The following RPRD2 variants were observed in gnomAD, a reference collection of about 807,000 sequenced individuals.
RPRD2 encodes the protein regulation of nuclear pre-mRNA domain containing 2, also known as regulation of nuclear pre-mRNA domain-containing protein 2.
A neutral mutation model predicts 104.4 loss-of-function variants in RPRD2; 12 were observed. The observed-to-expected ratio is 0.11, with a 90% CI of 0.07 to 0.19. The LOEUF is 0.19. Among genes scored for constraint, RPRD2 ranks in the 10% least tolerant of loss-of-function variants. The pLI is 1.00. For missense variants in RPRD2, 1,543 were observed against 1,790.1 expected (o/e 0.86, Z 2.49); for synonymous variants, 714 against 684.9 (o/e 1.04, Z -0.66).
intron 2 of RPRD2, among the ~76,000 whole-genome samples, chr1:150,438,060 G>C (rs981359873): frequency 6.7e-6 from 1 of 149,846 alleles, no homozygotes; most frequent in Non-Finnish European, 1.5e-5. Context: ...GAGGCAGGCA[G>C]ATCATGAGGT....
intron 1 of RPRD2, among the ~76,000 whole-genome samples, chr1:150,378,028 G>A (rs1182811419): frequency 5.3e-5 from 8 of 152,094 alleles, no homozygotes; most frequent in South Asian, 2.1e-4. Context: ...CAGAAGTCAC[G>A]TGAAGGTAAG....
intron 1 of RPRD2, among the ~76,000 whole-genome samples, chr1:150,379,125 A>C (rs1660936031): frequency 6.6e-6 from 1 of 151,556 alleles, no homozygotes; most frequent in African/African-American, 2.4e-5. Flanking sequence ...TACTAAAAAA[A>C]AACAAAAATT....
At chr1:150,407,954 C>T (rs1553886906) in intron 1 of RPRD2, among the ~76,000 whole-genome samples, 1 of 151,440 alleles carries the variant, frequency 6.6e-6, no homozygotes, top group African/African-American at 2.4e-5. Context: ...TGTCATTCAC[C>T]CTGGAGTATA....
At position 150,417,673 on chromosome 1, in the gene RPRD2, A is replaced by C. The variant is rs782624913; in HGVS notation, c.283A>C (p.Ile95Leu). 2.5e-6 allele frequency: 4 copies of C among 1,609,202 alleles called. No individual in the cohort carries two copies. In the South Asian group the frequency reaches 4.4e-5, roughly 18 times the overall value. Residue 95 changes from isoleucine (I) to leucine (L), a missense_variant, in exon 2 of 11, where the codon ATA becomes CTA. By Grantham distance (5) the Ile-to-Leu change is conservative. Coordinates refer to ENST00000369068, the MANE Select transcript of RPRD2 (RefSeq NM_015203.5). The part of the protein sequence containing the change: ...IQNCKRKNAI[I>L]FRESFADVLP... ...GAACTGTAAAAGGAAAAATGCAATC[A>C]TATTCCGTGAATCATTTGCTGATGT...
At chr1:150,378,979 T>TAA (rs782457070) in intron 1 of RPRD2, among the ~76,000 whole-genome samples, 1,808 of 84,018 alleles carry the variant, frequency 0.022, 52 homozygotes, top group African/African-American at 0.044. Flanking sequence ...GAGACTTCAT[T>TAA]AAAAAAAAAA....
chr1:150,437,293 C>G (rs587762369), intron 2 of RPRD2, among the ~76,000 whole-genome samples: 3 of 152,080 alleles, frequency 2.0e-5, no homozygotes, highest in Admixed American at 2.0e-4. Flanking sequence ...GTCAAGAGAT[C>G]GAGACCATCC....
Position 150,460,260 on chromosome 1 carries a change from G to A in RPRD2, c.1354G>A (p.Asp452Asn). Residue 452 changes from aspartate (D) to asparagine (N), a missense_variant, in exon 9 of 11, where the codon GAT becomes AAT. Physicochemically the swap from Asp to Asn is conservative, Grantham distance 23. Around this residue, in one of 4 missense-constraint regions of RPRD2, gnomAD observed 572 missense variants for 787.3 expected, o/e 0.73. Transcript: ENST00000369068. Reference sequence around the variant, plus strand: ...GGCTTTGCCAAACCTGGCTAATGTGGATCTGGCAAAGATCAGTTCCATCCT... The same window carrying A: ...GGCTTTGCCAAACCTGGCTAATGTGAATCTGGCAAAGATCAGTTCCATCCT... ...ALALPNLANV[D>N]LAKISSILSS... 1.2e-6 allele frequency: 2 copies of A among 1,613,252 alleles called. No individual in the cohort carries two copies. Among genetic ancestry groups the A allele is most frequent in the Admixed American group, 1.7e-5 (1 of 59,874 alleles).
Position 150,471,087 on chromosome 1 carries a change from T to C in RPRD2, c.2139T>C (p.Thr713=), listed in dbSNP as rs1184812463. ...CCTCAGACTTCCAGCGTGGCCCTAC[T>C]AGCACCTCAATCGACAACATTGATG... ...SHPSDFQRGP[T]STSIDNIDGT... The change falls in exon 11 of 11, where the codon ACT becomes ACC. Residue 713 remains threonine, a synonymous_variant. Coordinates refer to ENST00000369068, the MANE Select transcript of RPRD2 (RefSeq NM_015203.5). The surrounding 1 kb of genome is among the most constrained non-coding windows in gnomAD (Gnocchi z 5.3). The C allele has an allele frequency of 1.9e-6, 3 of 1,613,926 alleles. No homozygotes were observed. In the South Asian group the frequency reaches 3.3e-5, roughly 18 times the overall value.
intron 1 of RPRD2, among the ~76,000 whole-genome samples, chr1:150,415,842 A>G (rs698915): frequency 0.74 from 112,681 of 152,114 alleles, 41,951 homozygotes; most frequent in African/African-American, 0.78. Context: ...GAGTTTAAAT[A>G]TGGATACATT....
At chr1:150,401,545 G>A (rs1054222908) in intron 1 of RPRD2, among the ~76,000 whole-genome samples, 2 of 151,916 alleles carry the variant, frequency 1.3e-5, no homozygotes, top group Admixed American at 6.6e-5. Context: ...TGGCATGATC[G>A]TAGCTCACTG....
intron 7 of RPRD2, among the ~76,000 whole-genome samples, chr1:150,451,789 T>G (rs1328348956): frequency 3.3e-5 from 5 of 151,734 alleles, no homozygotes; most frequent in Admixed American, 1.3e-4. Context: ...ATAATCAAGT[T>G]AAAATGAGTT....
rs1659703410 is a variant in RPRD2, at chr1:150,364,762, G to A, written c.48G>A (p.Ser16=). ...GGGSSKASSS[S]ASSAGALESS... is the part of the protein sequence containing the mutation. ...GCAGCAGTAAGGCCTCCTCCTCGTC[G>A]GCCTCTTCGGCAGGGGCTCTGGAGT... The change falls in exon 1 of 11, where the codon TCG becomes TCA. Residue 16 remains serine, a synonymous_variant. Coordinates refer to ENST00000369068, the MANE Select transcript of RPRD2 (RefSeq NM_015203.5). The A allele has an allele frequency of 6.2e-7, 1 of 1,605,588 alleles. No homozygotes were observed. The highest frequency in any genetic ancestry group is 1.3e-5 in the African/African-American group (1 of 74,802).
chr1:150,443,763 T>C lies in RPRD2; in HGVS notation c.567+480T>C, dbSNP rs1174640437. Among the ~76,000 whole-genome samples, 9 of 152,060 alleles carry C rather than the reference T, an allele frequency of 5.9e-5. No individual in the cohort carries two copies. In the South Asian group the frequency reaches 1.2e-3, roughly 21 times the overall value. ...GCTCACGCCTGTAATCCCAGCACTT[T>C]GGGAGGCCGAGGTGGGCGGATCACG... On this transcript the variant is annotated intron_variant, in intron 5 of 10. Transcript: ENST00000369068.
chr1:150,425,833 G>A (rs1665084141), intron 2 of RPRD2, among the ~76,000 whole-genome samples: 2 of 151,942 alleles, frequency 1.3e-5, no homozygotes, highest in African/African-American at 4.8e-5. Flanking sequence ...AGAGAGGGCT[G>A]GGTGTGGTGG....
rs931934721 is a variant in RPRD2, at chr1:150,401,573, A to G, written c.206-16023A>G. Among the ~76,000 whole-genome samples the G allele has an allele frequency of 2.0e-5, 3 of 151,918 alleles. No individual in the cohort carries two copies. The East Asian group carries it at 5.9e-4, about 30-fold the overall frequency. On this transcript the variant is annotated intron_variant, in intron 1 of 10. Coordinates refer to ENST00000369068, the MANE Select transcript of RPRD2 (RefSeq NM_015203.5). ...GCTCACTGCAGCCTTGACCTCCTGG[A>G]CTCAAGCAATCCACCTGCCTGGGCC...
rs1352621002 is a variant in RPRD2, at chr1:150,470,991, T to C, written c.2043T>C (p.Gly681=). 3 of 1,613,968 alleles carry C rather than the reference T, an allele frequency of 1.9e-6. No homozygotes were observed. The change falls in exon 11 of 11, where the codon GGT becomes GGC. Residue 681 remains glycine, a synonymous_variant. Coordinates refer to ENST00000369068, the MANE Select transcript of RPRD2 (RefSeq NM_015203.5). The part of the protein sequence containing the change: ...KIHNFLKGNP[G]FSGLNLNIPI... ...ACAACTTCTTAAAAGGTAATCCTGG[T>C]TTCAGTGGCTTAAACTTAAACATCC... is the stretch of plus-strand genomic sequence containing the variant.
chr1:150,458,335 C>T (rs1232006713), intron 8 of RPRD2, among the ~76,000 whole-genome samples: 2 of 151,580 alleles, frequency 1.3e-5, no homozygotes, highest in African/African-American at 4.8e-5. Flanking sequence ...GCGTCTGTAG[C>T]CCCAGCTGCT....
In RPRD2 at chr1:150,473,045, G is replaced by C. The variant is rs200636649; in HGVS notation, c.4097G>C (p.Arg1366Pro). ...DLNGPGLSRVRESLTLPSHSL... is the reference protein window; with the variant it reads ...DLNGPGLSRVPESLTLPSHSL... ...AACGGCCCTGGCCTTAGCCGTGTAC[G>C]AGAGAGCCTCACCCTACCCTCCCAT... The change falls in exon 11 of 11, where the codon CGA becomes CCA. Residue 1366 changes from arginine (R) to proline (P), a missense_variant. Transcript: ENST00000369068. 1 of 1,613,978 alleles carries C rather than the reference G, an allele frequency of 6.2e-7. No individual in the cohort carries two copies. The highest frequency in any genetic ancestry group is 1.7e-5 in the Admixed American group (1 of 60,016).
At chr1:150,448,911 C>T (rs961815395) in intron 7 of RPRD2, among the ~76,000 whole-genome samples, 1 of 152,002 alleles carries the variant, frequency 6.6e-6, no homozygotes, top group East Asian at 1.9e-4. Flanking sequence ...GGAGCAGTCT[C>T]AAGTAATTTC....
Sources: allele counts gnomAD v4.1 joint callset (sites outside exome capture counted in the v4.1 genomes callset), GRCh38; gene constraint gnomAD v4.1.1; regional missense constraint gnomAD v4.1.1; non-coding constraint Gnocchi (gnomAD v3.1); transcripts MANE v1.5; gene names NCBI Gene and HGNC (gene_info 2026-07-23, HGNC 2026-07-21).